Variants in GPC5 observed in about 807,000 individuals in gnomAD.
The protein encoded by GPC5 is glypican 5.
In GPC5, 47 loss-of-function variants were observed where a neutral mutation model predicts 53.9. The ratio of observed to expected loss-of-function variants is 0.87; its 90% CI spans 0.69 to 1.11. The LOEUF (loss-of-function observed/expected upper bound fraction) is 1.11, where lower values mean the gene tolerates loss of function less well. GPC5 is among the 50% of genes most tolerant of loss of function. GPC5 has a pLI of 0.00. For synonymous variants in GPC5, 286 were observed against 263.3 expected, an observed-to-expected ratio of 1.09 and a Z score of -0.84; for missense variants, 748 against 713.1, an observed-to-expected ratio of 1.05 and a Z score of -0.56.
At chr13:92,169,277 A>C (rs59984661) in intron 7 of GPC5, among the ~76,000 whole-genome samples, 2 of 152,208 alleles carry the variant, frequency 1.3e-5, no homozygotes, top group Admixed American at 1.3e-4. Context: ...GCAAACCACC[A>C]TGGCACATGT....
At chr13:91,677,740 A>G (rs2035416423) in intron 2 of GPC5, among the ~76,000 whole-genome samples, 1 of 152,196 alleles carries the variant, frequency 6.6e-6, no homozygotes, top group African/African-American at 2.4e-5. Context: ...CTAAAGTCAT[A>G]TCTTTGAAAT....
At chr13:91,893,559 A>T (rs2039410480) in intron 5 of GPC5, among the ~76,000 whole-genome samples, 1 of 152,088 alleles carries the variant, frequency 6.6e-6, no homozygotes, top group Non-Finnish European at 1.5e-5. Flanking sequence ...ACAACTAAAG[A>T]TCTTATAGCT....
chr13:91,487,712 A>T (rs564118166), intron 2 of GPC5, among the ~76,000 whole-genome samples: 130 of 152,314 alleles, frequency 8.5e-4, no homozygotes, highest in African/African-American at 2.8e-3. Context: ...ATGCTACATG[A>T]TTAAAAAATC....
At chr13:92,663,665 CTATA>C (rs1228385049) in intron 7 of GPC5, among the ~76,000 whole-genome samples, 1 of 135,866 alleles carries the variant, frequency 7.4e-6, no homozygotes, top group Admixed American at 7.7e-5. Context: ...TATATATATA[CTATA>C]TATATACACT....
At chr13:92,002,032 T>A (rs1316682332) in intron 6 of GPC5, among the ~76,000 whole-genome samples, 1 of 152,230 alleles carries the variant, frequency 6.6e-6, no homozygotes, top group East Asian at 1.9e-4. Context: ...TCTGCTGTCC[T>A]CCACACAATT....
intron 2 of GPC5, among the ~76,000 whole-genome samples, chr13:91,648,073 G>A (rs2034604311): frequency 6.6e-6 from 1 of 152,182 alleles, no homozygotes; most frequent in Non-Finnish European, 1.5e-5. Flanking sequence ...ACTCAGTGGT[G>A]ATCCCTTTTT....
At chr13:92,062,363 T>C (rs1018748081) in intron 6 of GPC5, among the ~76,000 whole-genome samples, 2 of 152,010 alleles carry the variant, frequency 1.3e-5, no homozygotes, top group Non-Finnish European at 2.9e-5. Flanking sequence ...TTTCCAAGTT[T>C]ATATTTGGTT....
chr13:91,852,365 G>A (rs949679559), intron 5 of GPC5, among the ~76,000 whole-genome samples: 6 of 151,908 alleles, frequency 3.9e-5, no homozygotes, highest in African/African-American at 1.2e-4. Context: ...TTGAAAGGTC[G>A]TCAGGGCAAA....
intron 7 of GPC5, among the ~76,000 whole-genome samples, chr13:92,848,260 G>C (rs972009913): frequency 2.6e-5 from 4 of 152,114 alleles, no homozygotes; most frequent in Non-Finnish European, 4.4e-5. Context: ...TTATGATGCA[G>C]ATTTTACAGA....
At chr13:92,294,828 T>C (rs199546212) in intron 7 of GPC5, among the ~76,000 whole-genome samples, 3,448 of 56,018 alleles carry the variant, frequency 0.062, 24 homozygotes, top group African/African-American at 0.13. Flanking sequence ...TTTTTTTTCT[T>C]TTTTTTTTTT....
At chr13:91,508,628 G>A (rs1026025931) in intron 2 of GPC5, among the ~76,000 whole-genome samples, 1 of 152,064 alleles carries the variant, frequency 6.6e-6, no homozygotes, top group African/African-American at 2.4e-5. Context: ...GATATGATAG[G>A]CATATTTGAT....
intron 5 of GPC5, among the ~76,000 whole-genome samples, chr13:91,854,778 A>G (rs902295258): frequency 4.0e-5 from 6 of 151,846 alleles, no homozygotes; most frequent in African/African-American, 1.4e-4. Flanking sequence ...ACATTTTTGT[A>G]AAATGTTTAT....
intron 2 of GPC5, among the ~76,000 whole-genome samples, chr13:91,677,063 G>A (rs544328290): frequency 6.6e-6 from 1 of 152,318 alleles, no homozygotes; most frequent in South Asian, 2.1e-4. Flanking sequence ...AATAACAAGT[G>A]TGGACTGCAA....
At chr13:92,060,172 A>G (rs1484300628) in intron 6 of GPC5, among the ~76,000 whole-genome samples, 1 of 151,882 alleles carries the variant, frequency 6.6e-6, no homozygotes, top group Non-Finnish European at 1.5e-5. Context: ...AAAAGCATCA[A>G]AGTCCTATAC....
chr13:92,123,659 C>T (rs9583994), intron 6 of GPC5, among the ~76,000 whole-genome samples: 5 of 151,928 alleles, frequency 3.3e-5, no homozygotes, highest in African/African-American at 2.4e-5. Flanking sequence ...TTTACAGCTC[C>T]GTCAGATTGT....
intron 7 of GPC5, among the ~76,000 whole-genome samples, chr13:92,174,857 C>T (rs961908430): frequency 6.6e-6 from 1 of 152,096 alleles, no homozygotes. Flanking sequence ...TCCCTTGAAC[C>T]TTCATTTTTG....
chr13:92,823,675 G>A (rs1877747772), intron 7 of GPC5, among the ~76,000 whole-genome samples: 1 of 151,978 alleles, frequency 6.6e-6, no homozygotes, highest in African/African-American at 2.4e-5. Flanking sequence ...TACTAGCATT[G>A]CAATTAAAAA....
At chr13:91,629,853 G>A (rs1326867372) in intron 2 of GPC5, among the ~76,000 whole-genome samples, 1 of 152,040 alleles carries the variant, frequency 6.6e-6, no homozygotes, top group African/African-American at 2.4e-5. Context: ...ACTGTAATAT[G>A]TATTCAAGAA....
intron 6 of GPC5, among the ~76,000 whole-genome samples, chr13:92,093,704 C>G (rs1353970954): frequency 6.6e-6 from 1 of 152,128 alleles, no homozygotes; most frequent in African/African-American, 2.4e-5. Flanking sequence ...AGATGAAACA[C>G]AAGTTTTTAA....
Sources: gnomAD v4.1 joint callset for allele counts (sites outside exome capture counted in the v4.1 genomes callset) on GRCh38, gnomAD v4.1.1 for gene constraint, MANE v1.5 for transcripts, NCBI Gene and HGNC (gene_info 2026-07-23, HGNC 2026-07-21) for gene names.